Variants in CNTNAP2 observed in about 807,000 individuals in gnomAD.
CNTNAP2 encodes the protein contactin-associated protein-like 2.
In CNTNAP2, 98 loss-of-function variants were observed where a neutral mutation model predicts 155.2. The ratio of observed to expected loss-of-function variants is 0.63; its 90% CI spans 0.54 to 0.75. CNTNAP2 has a LOEUF of 0.75. Ranked by LOEUF, CNTNAP2 falls within the 30% of genes least tolerant of loss-of-function variation. The probability of loss-of-function intolerance (pLI) is 0.00; values close to 1 mark genes in which losing one functional copy is unlikely to be tolerated. For missense variants in CNTNAP2, 1,727 were observed against 1,688.1 expected, an observed-to-expected ratio of 1.02 and a Z score of -0.40; for synonymous variants, 651 against 631.2, an observed-to-expected ratio of 1.03 and a Z score of -0.47.
intron 8 of CNTNAP2, among the ~76,000 whole-genome samples, chr7:147,285,594 TA>T (rs960426193): frequency 6.6e-6 from 1 of 152,030 alleles, no homozygotes; most frequent in Non-Finnish European, 1.5e-5. Flanking sequence ...TATTCCTTTT[TA>T]AAAATACTTT....
At chr7:147,506,827 G>T (rs546982532) in intron 11 of CNTNAP2, among the ~76,000 whole-genome samples, 1 of 151,912 alleles carries the variant, frequency 6.6e-6, no homozygotes, top group Non-Finnish European at 1.5e-5. Context: ...CTCTCTTTAC[G>T]TCTCCAAATT....
At chr7:146,972,568 G>A (rs1797824813) in intron 3 of CNTNAP2, among the ~76,000 whole-genome samples, 1 of 152,086 alleles carries the variant, frequency 6.6e-6, no homozygotes. Flanking sequence ...AAACAATAAT[G>A]ATGTAACAAA....
At chr7:147,059,711 C>CTCATATATA (rs1207536825) in intron 4 of CNTNAP2, among the ~76,000 whole-genome samples, 37 of 152,120 alleles carry the variant, frequency 2.4e-4, no homozygotes, top group African/African-American at 6.3e-4. Context: ...ATATTGTGTC[C>CTCATATATA]TTACAACAAA....
intron 8 of CNTNAP2, among the ~76,000 whole-genome samples, chr7:147,145,179 T>G (rs1055255950): frequency 6.6e-6 from 1 of 152,178 alleles, no homozygotes; most frequent in Non-Finnish European, 1.5e-5. Flanking sequence ...TAATTTCCTT[T>G]TGTTCTCTTA....
In CNTNAP2 at chr7:146,197,436, T is replaced by C. The variant is rs569392862; in HGVS notation, c.97+80463T>C. 5.1e-4 allele frequency among the ~76,000 whole-genome samples: 77 copies of C among 152,310 alleles called. 1 individual carries two copies. In the South Asian group the frequency reaches 0.011, roughly 23 times the overall value. On this transcript the variant is annotated intron_variant, in intron 1 of 23. Coordinates refer to ENST00000361727, the MANE Select transcript of CNTNAP2 (RefSeq NM_014141.6). ...AATTTCTGACTTTTTGGTTTTGTAA[T>C]TAAGACGTGACAGTGTGACTGAAAT...
chr7:146,366,402 A>G (rs1472039180), intron 1 of CNTNAP2, among the ~76,000 whole-genome samples: 1 of 152,154 alleles, frequency 6.6e-6, no homozygotes, highest in Non-Finnish European at 1.5e-5. Flanking sequence ...AGTATACGTT[A>G]TTAAAAACCA....
chr7:148,164,611 CTTTTTTTTT>C (rs1175888434), intron 17 of CNTNAP2, among the ~76,000 whole-genome samples: 2 of 93,566 alleles, frequency 2.1e-5, no homozygotes, highest in African/African-American at 1.1e-4. Context: ...TTTTCTCTCT[CTTTTTTTTT>C]TTTTTTTTTT....
chr7:147,430,329 C>A (rs1399602916), intron 10 of CNTNAP2, among the ~76,000 whole-genome samples: 1 of 152,138 alleles, frequency 6.6e-6, no homozygotes, highest in Admixed American at 6.5e-5. Flanking sequence ...GGCTTGATTA[C>A]AAAATTTTGG....
chr7:147,231,745 C>G (rs537515599), intron 8 of CNTNAP2, among the ~76,000 whole-genome samples: 2 of 152,288 alleles, frequency 1.3e-5, no homozygotes, highest in South Asian at 2.1e-4. Flanking sequence ...GAAAATGTCT[C>G]TTCAGGTCCT....
chr7:147,504,866 C>A (rs1016573685), intron 11 of CNTNAP2, among the ~76,000 whole-genome samples: 2 of 150,994 alleles, frequency 1.3e-5, no homozygotes, highest in Non-Finnish European at 2.9e-5. Flanking sequence ...TTTTTCCAGG[C>A]ATTTTGGGTT....
At position 146,729,016 on chromosome 7, in the gene CNTNAP2, C is replaced by T. The variant is rs367584397; in HGVS notation, c.98-45255C>T. On this transcript the variant is annotated intron_variant, in intron 1 of 23. Coordinates refer to ENST00000361727, the MANE Select transcript of CNTNAP2 (RefSeq NM_014141.6). ...TTGACCACAAGTGTTGAATACCATTCATTTCAACTATGAAAAACCATTTCC... is the reference window on the plus strand; with the variant it reads ...TTGACCACAAGTGTTGAATACCATTTATTTCAACTATGAAAAACCATTTCC... Among the ~76,000 whole-genome samples the T allele has an allele frequency of 1.9e-3, 285 of 152,318 alleles. 2 individuals carry two copies. The highest frequency in any genetic ancestry group is 6.6e-3 in the African/African-American group (276 of 41,570).
intron 13 of CNTNAP2, among the ~76,000 whole-genome samples, chr7:147,745,252 A>G (rs925291247): frequency 2.6e-5 from 4 of 152,212 alleles, no homozygotes; most frequent in African/African-American, 7.2e-5. Context: ...GAGCTCTACA[A>G]GGATAAGATG....
At chr7:147,331,479 C>T (rs1795567454) in intron 9 of CNTNAP2, among the ~76,000 whole-genome samples, 3 of 152,028 alleles carry the variant, frequency 2.0e-5, no homozygotes, top group South Asian at 4.1e-4. Flanking sequence ...AGCACCAATA[C>T]AGCATTAGCC....
At chr7:146,832,574 TATATTA>T (rs1484805288) in intron 2 of CNTNAP2, among the ~76,000 whole-genome samples, 1 of 147,870 alleles carries the variant, frequency 6.8e-6, no homozygotes, top group East Asian at 1.9e-4. Context: ...TTTAATCTAA[TATATTA>T]ATATTAACTT....
intron 13 of CNTNAP2, among the ~76,000 whole-genome samples, chr7:147,816,176 T>G (rs1798263371): frequency 6.6e-6 from 1 of 152,214 alleles, no homozygotes; most frequent in Admixed American, 6.5e-5. Flanking sequence ...CTCTCCATTT[T>G]CTTAAGAGTA....
chr7:147,158,885 C>T (rs1320981912), intron 8 of CNTNAP2, among the ~76,000 whole-genome samples: 2 of 152,038 alleles, frequency 1.3e-5, no homozygotes, highest in Admixed American at 6.6e-5. Context: ...GAAAACAGAT[C>T]TCAAACAAAA....
intron 13 of CNTNAP2, among the ~76,000 whole-genome samples, chr7:147,703,508 G>C (rs1584909083): frequency 6.6e-6 from 1 of 152,260 alleles, no homozygotes; most frequent in East Asian, 1.9e-4. Flanking sequence ...TATAATTTAG[G>C]TATTTACAGA....
chr7:147,126,088 G>GC (rs1447440081), intron 6 of CNTNAP2, among the ~76,000 whole-genome samples: 1 of 152,124 alleles, frequency 6.6e-6, no homozygotes, highest in African/African-American at 2.4e-5. Context: ...ATCGCATACA[G>GC]CCCTTCCACT....
chr7:147,635,808 A>G (rs1363605994), intron 12 of CNTNAP2, among the ~76,000 whole-genome samples: 1 of 152,234 alleles, frequency 6.6e-6, no homozygotes, highest in Admixed American at 6.5e-5. Flanking sequence ...GACCCTTTAA[A>G]GAAGACATCA....
Sources: gnomAD v4.1 joint callset for allele counts (sites outside exome capture counted in the v4.1 genomes callset) on GRCh38, gnomAD v4.1.1 for gene constraint, MANE v1.5 for transcripts, NCBI Gene and HGNC (gene_info 2026-07-23, HGNC 2026-07-21) for gene names.